TMCC1: variants seen among roughly 807,000 people sequenced by gnomAD.
TMCC1 encodes transmembrane and coiled-coil domains protein 1.
In TMCC1, 15 loss-of-function variants were observed where a neutral mutation model predicts 52.4. The observed-to-expected ratio is 0.29, with a 90% CI of 0.19 to 0.44. The LOEUF is 0.44. TMCC1 is among the 20% of genes least tolerant of loss of function. The probability of loss-of-function intolerance (pLI) is 1.00; values close to 1 mark genes in which losing one functional copy is unlikely to be tolerated. For missense variants in TMCC1, 503 were observed against 806.0 expected (o/e 0.62, Z 4.55); for synonymous variants, 279 against 301.9 (o/e 0.92, Z 0.79).
At chr3:129,680,994 T>TG (rs1377330143) in intron 4 of TMCC1, among the ~76,000 whole-genome samples, 1 of 152,096 alleles carries the variant, frequency 6.6e-6, no homozygotes, top group Admixed American at 6.6e-5. Flanking sequence ...ACTATGTATA[T>TG]GCAAAGTATG....
chr3:129,693,577 C>T (rs757706099), intron 4 of TMCC1, among the ~76,000 whole-genome samples: 5 of 149,276 alleles, frequency 3.3e-5, no homozygotes, highest in South Asian at 2.1e-4. Context: ...CTCAACCTTC[C>T]GGGCTCAAGT....
At chr3:129,831,027 TG>T in intron 3 of TMCC1, among the ~76,000 whole-genome samples, 1 of 152,268 alleles carries the variant, frequency 6.6e-6, no homozygotes, top group Admixed American at 6.5e-5. Flanking sequence ...CTCTGCCTCC[TG>T]GGTTCAGGCA....
At chr3:129,842,412 G>A (rs1321871134) in intron 2 of TMCC1, among the ~76,000 whole-genome samples, 1 of 152,028 alleles carries the variant, frequency 6.6e-6, no homozygotes, top group Non-Finnish European at 1.5e-5. Flanking sequence ...GTTGCAGTGA[G>A]CAGAGATCGT....
intron 2 of TMCC1, among the ~76,000 whole-genome samples, chr3:129,876,301 A>G (rs1358871523): frequency 7.3e-6 from 1 of 136,904 alleles, no homozygotes; most frequent in African/African-American, 3.0e-5. Context: ...AAAAAAAAAA[A>G]AAAAAGAATA....
At chr3:129,793,290 C>T (rs1201566071) in intron 4 of TMCC1, among the ~76,000 whole-genome samples, 3 of 152,166 alleles carry the variant, frequency 2.0e-5, no homozygotes, top group African/African-American at 7.2e-5. Flanking sequence ...ATATGTGACA[C>T]AGGGATGGAA....
intron 4 of TMCC1, among the ~76,000 whole-genome samples, chr3:129,715,297 G>A (rs190041067): frequency 3.9e-5 from 6 of 152,298 alleles, no homozygotes; most frequent in Admixed American, 2.6e-4. Context: ...GGTGGCTCAC[G>A]CCTGTAATCC....
intron 5 of TMCC1, among the ~76,000 whole-genome samples, chr3:129,664,593 T>C (rs1411132971): frequency 6.6e-6 from 1 of 152,214 alleles, no homozygotes; most frequent in African/African-American, 2.4e-5. Context: ...CAAAATGGCA[T>C]TAATGCTCAT....
chr3:129,874,810 T>C (rs769457430), intron 2 of TMCC1, among the ~76,000 whole-genome samples: 5 of 152,036 alleles, frequency 3.3e-5, no homozygotes, highest in Admixed American at 2.0e-4. Context: ...TGAGCTATGA[T>C]TGCACCACTG....
rs2086205920 is a variant in TMCC1, at chr3:129,649,555, T to G, written c.*1926A>C. 1 of 152,532 alleles carries G rather than the reference T, an allele frequency of 6.6e-6. No individual in the cohort carries two copies. The highest frequency in any genetic ancestry group is 1.5e-5 in the Non-Finnish European group (1 of 68,022). 9.4% of individuals were successfully genotyped at this position (152,532 alleles called of 1,614,324 possible). ...GAAGACTGGAGTACCTGAGTTAAAATATCAAAGTAGTTATGGAAACAACAT... is the reference window on the plus strand; with the variant it reads ...GAAGACTGGAGTACCTGAGTTAAAAGATCAAAGTAGTTATGGAAACAACAT... On this transcript the variant is annotated 3_prime_UTR_variant, in exon 7 of 7. Transcript: ENST00000393238.
At chr3:129,761,375 CCCT>C (rs1339174426) in intron 4 of TMCC1, among the ~76,000 whole-genome samples, 1 of 151,344 alleles carries the variant, frequency 6.6e-6, no homozygotes, top group African/African-American at 2.4e-5. Flanking sequence ...ACCTGTTGAT[CCCT>C]CCTCCTCTTC....
At chr3:129,812,568 T>G (rs2057879484) in intron 4 of TMCC1, among the ~76,000 whole-genome samples, 1 of 152,038 alleles carries the variant, frequency 6.6e-6, no homozygotes, top group Admixed American at 6.6e-5. Context: ...TTATCTTCAC[T>G]GGCTGGATTT....
chr3:129,860,150 A>G (rs2060322288), intron 2 of TMCC1, among the ~76,000 whole-genome samples: 1 of 152,218 alleles, frequency 6.6e-6, no homozygotes, highest in African/African-American at 2.4e-5. Flanking sequence ...TCAGGAATCA[A>G]CTACTCCTTA....
At chr3:129,875,021 C>G (rs1370508963) in intron 2 of TMCC1, among the ~76,000 whole-genome samples, 2 of 152,070 alleles carry the variant, frequency 1.3e-5, no homozygotes, top group African/African-American at 4.8e-5. Context: ...CAGCTCATAA[C>G]AACCTTCTCT....
At chr3:129,821,090 C>A (rs2058394962) in intron 4 of TMCC1, among the ~76,000 whole-genome samples, 2 of 152,284 alleles carry the variant, frequency 1.3e-5, no homozygotes, top group South Asian at 4.1e-4. Flanking sequence ...AGGAAAATTA[C>A]TTGGCAGATT....
At chr3:129,789,689 C>A (rs539089205) in intron 4 of TMCC1, among the ~76,000 whole-genome samples, 33 of 152,232 alleles carry the variant, frequency 2.2e-4, no homozygotes, top group South Asian at 1.4e-3. Flanking sequence ...ACCGTGTTAG[C>A]CAGGATGGTC....
intron 1 of TMCC1, among the ~76,000 whole-genome samples, chr3:129,881,187 T>C (rs1174156023): frequency 6.6e-6 from 1 of 152,062 alleles, no homozygotes; most frequent in Non-Finnish European, 1.5e-5. Context: ...TTAACATTAG[T>C]GAACAAAAAG....
chr3:129,665,520 A>G (rs545049173), intron 5 of TMCC1, among the ~76,000 whole-genome samples: 2 of 152,332 alleles, frequency 1.3e-5, no homozygotes, highest in Admixed American at 6.5e-5. Flanking sequence ...GGCCTAGGAA[A>G]CTTTCCAGAG....
At chr3:129,762,442 G>A (rs1022550746) in intron 4 of TMCC1, among the ~76,000 whole-genome samples, 2 of 152,264 alleles carry the variant, frequency 1.3e-5, no homozygotes, top group Non-Finnish European at 2.9e-5. Context: ...TACTTGACTA[G>A]TCAGCTAGTG....
chr3:129,836,110 A>G (rs973805072), intron 2 of TMCC1, among the ~76,000 whole-genome samples: 10 of 152,218 alleles, frequency 6.6e-5, no homozygotes, highest in African/African-American at 2.2e-4. Context: ...ACTTCAATGC[A>G]CAAAAGCCAT....
Sources: allele counts gnomAD v4.1 joint callset (sites outside exome capture counted in the v4.1 genomes callset), GRCh38; gene constraint gnomAD v4.1.1; transcripts MANE v1.5; gene names NCBI Gene and HGNC (gene_info 2026-07-23, HGNC 2026-07-21).